PTGFR: variants seen among roughly 807,000 people sequenced by gnomAD.
The protein encoded by PTGFR is prostaglandin F2-alpha receptor.
A neutral mutation model predicts 26.2 loss-of-function variants in PTGFR; 15 were observed. The ratio of observed to expected loss-of-function variants is 0.57; its 90% confidence interval spans 0.38 to 0.88. The LOEUF is 0.88. Among genes scored for constraint, PTGFR ranks in the 40% least tolerant of loss-of-function variants. The pLI, the probability that PTGFR is intolerant of heterozygous loss-of-function variation, is 0.00. For missense variants in PTGFR, 369 were observed against 427.2 expected, an observed-to-expected ratio of 0.86 and a Z score of 1.20; for synonymous variants, 165 against 151.1, an observed-to-expected ratio of 1.09 and a Z score of -0.68.
At chr1:78,521,985 T>C (rs1650253499) in intron 2 of PTGFR, among the ~76,000 whole-genome samples, 1 of 152,096 alleles carries the variant, frequency 6.6e-6, no homozygotes, top group South Asian at 2.1e-4. Flanking sequence ...TTCAACTGAG[T>C]TCTCTGCTCA....
At position 78,502,960 on chromosome 1, in the gene PTGFR, C is replaced by T. The variant is rs191975536; in HGVS notation, c.798+9419C>T. Reference sequence around the variant, plus strand: ...ATGAATGTTTGTGGATGAGATTATTCGTGACAGCTTATGAAAAGGAAAAAA... The same window carrying T: ...ATGAATGTTTGTGGATGAGATTATTTGTGACAGCTTATGAAAAGGAAAAAA... On this transcript the variant is annotated intron_variant, in intron 2 of 2. Coordinates refer to ENST00000370757, the MANE Select transcript of PTGFR (RefSeq NM_000959.4). 2.3e-4 allele frequency among the ~76,000 whole-genome samples: 35 copies of T among 152,120 alleles called. 1 individual carries two copies. The highest frequency in any genetic ancestry group is 1.7e-3 in the East Asian group (9 of 5,182).
At chr1:78,514,788 C>T (rs973274433) in intron 2 of PTGFR, among the ~76,000 whole-genome samples, 6 of 152,084 alleles carry the variant, frequency 3.9e-5, no homozygotes, top group Non-Finnish European at 5.9e-5. Context: ...TGATTTAGCG[C>T]CAATGCCTTG....
chr1:78,536,757 T>C lies in PTGFR; in HGVS notation c.*70T>C. On this transcript the variant is annotated 3_prime_UTR_variant, in exon 3 of 3. Coordinates refer to ENST00000370757, the MANE Select transcript of PTGFR (RefSeq NM_000959.4). ...ACATGTTTGGCAATATTTCAGTTAG[T>C]TAAATACCTGTAGCCTAACTGGAAA... is the stretch of plus-strand genomic sequence containing the variant. 6.8e-7 allele frequency: 1 copy of C among 1,476,116 alleles called. No homozygotes were observed. The highest frequency in any genetic ancestry group is 1.3e-5 in the South Asian group (1 of 74,160). 91.4% of individuals were successfully genotyped at this position (1,476,116 alleles called of 1,614,324 possible).
chr1:78,528,294 C>CAAAAAAA (rs35137595), intron 2 of PTGFR, among the ~76,000 whole-genome samples: 4 of 20,120 alleles, frequency 2.0e-4, no homozygotes, highest in Admixed American at 7.9e-4. Flanking sequence ...AGAAAGTTAG[C>CAAAAAAA]AAAAAAAAAA....
At chr1:78,533,703 C>T (rs1013216972) in intron 2 of PTGFR, among the ~76,000 whole-genome samples, 2 of 152,142 alleles carry the variant, frequency 1.3e-5, no homozygotes, top group African/African-American at 4.8e-5. Flanking sequence ...TAGTAAACAG[C>T]CACAGAGCCC....
intron 2 of PTGFR, among the ~76,000 whole-genome samples, chr1:78,533,681 C>T (rs532832376): frequency 1.2e-4 from 19 of 152,216 alleles, no homozygotes; most frequent in African/African-American, 4.6e-4. Context: ...TCAAATTTAC[C>T]ATTGCTTTGA....
chr1:78,509,685 A>G (rs549627733), intron 2 of PTGFR, among the ~76,000 whole-genome samples: 99 of 152,364 alleles, frequency 6.5e-4, no homozygotes, highest in African/African-American at 2.2e-3. Flanking sequence ...TCTATGTAGC[A>G]GTAATTTCCA....
At chr1:78,511,493 T>C (rs1193566839) in intron 2 of PTGFR, among the ~76,000 whole-genome samples, 2 of 152,108 alleles carry the variant, frequency 1.3e-5, no homozygotes, top group Non-Finnish European at 2.9e-5. Context: ...AGCCTGAACA[T>C]GGGGAGTAGC....
At chr1:78,526,129 T>C (rs904948632) in intron 2 of PTGFR, among the ~76,000 whole-genome samples, 1 of 152,044 alleles carries the variant, frequency 6.6e-6, no homozygotes, top group African/African-American at 2.4e-5. Context: ...CTGCCCAACA[T>C]TGCAAGAATT....
At chr1:78,491,998 G>C (rs1649413032) in intron 1 of PTGFR, among the ~76,000 whole-genome samples, 2 of 152,146 alleles carry the variant, frequency 1.3e-5, no homozygotes, top group South Asian at 4.1e-4. Flanking sequence ...AGCGTGGCCC[G>C]CCCCCTTCCT....
intron 2 of PTGFR, among the ~76,000 whole-genome samples, chr1:78,516,939 T>C (rs538867065): frequency 2.0e-5 from 3 of 152,140 alleles, no homozygotes; most frequent in Non-Finnish European, 4.4e-5. Context: ...ACTTTTGTCT[T>C]GAAAATGTGT....
rs909476688 is a variant in PTGFR, at chr1:78,529,404, T to C, written c.799-7002T>C. On this transcript the variant is annotated intron_variant, in intron 2 of 2. Transcript: ENST00000370757. ...TTTTTATTAGGATGAAAATGTCTTA[T>C]GCATCTATTATTACCAATATTTGGA... 5.9e-5 allele frequency among the ~76,000 whole-genome samples: 9 copies of C among 152,292 alleles called. No individual in the cohort carries two copies. The East Asian group carries it at 1.5e-3, about 26-fold the overall frequency.
chr1:78,498,416 A>C (rs989399939), intron 2 of PTGFR, among the ~76,000 whole-genome samples: 1 of 152,190 alleles, frequency 6.6e-6, no homozygotes, highest in Non-Finnish European at 1.5e-5. Flanking sequence ...TGTAGTGTGT[A>C]TATATATTGT....
At chr1:78,496,936 T>TA (rs149206271) in intron 2 of PTGFR, among the ~76,000 whole-genome samples, 3,982 of 147,266 alleles carry the variant, frequency 0.027, 190 homozygotes, top group African/African-American at 0.094. Context: ...TGTTGTGGCA[T>TA]ATTTGTTAGA....
chr1:78,502,382 C>T (rs1557649618), intron 2 of PTGFR, among the ~76,000 whole-genome samples: 1 of 152,064 alleles, frequency 6.6e-6, no homozygotes, highest in African/African-American at 2.4e-5. Context: ...TGTCTGTAGC[C>T]ACTCTGTGCC....
At chr1:78,522,588 T>C (rs2100387025) in intron 2 of PTGFR, among the ~76,000 whole-genome samples, 1 of 152,080 alleles carries the variant, frequency 6.6e-6, no homozygotes, top group East Asian at 1.9e-4. Flanking sequence ...CAGACTTATT[T>C]TGTTATTGTT....
At chr1:78,502,647 G>A (rs1472795259) in intron 2 of PTGFR, among the ~76,000 whole-genome samples, 1 of 152,016 alleles carries the variant, frequency 6.6e-6, no homozygotes, top group Non-Finnish European at 1.5e-5. Context: ...TCAAAGACAC[G>A]TTAAAATTAT....
At chr1:78,501,744 G>A (rs932058094) in intron 2 of PTGFR, among the ~76,000 whole-genome samples, 12 of 152,220 alleles carry the variant, frequency 7.9e-5, no homozygotes, top group African/African-American at 2.2e-4. Flanking sequence ...GAGTATAGGC[G>A]GGGAGCATGA....
chr1:78,509,575 A>G (rs950995909), intron 2 of PTGFR, among the ~76,000 whole-genome samples: 2 of 152,234 alleles, frequency 1.3e-5, no homozygotes, highest in African/African-American at 4.8e-5. Context: ...ATTGTGGTGA[A>G]AAGATAGTTT....
Sources: gnomAD v4.1 joint callset for allele counts (sites outside exome capture counted in the v4.1 genomes callset) on GRCh38, gnomAD v4.1.1 for gene constraint, MANE v1.5 for transcripts, NCBI Gene and HGNC (gene_info 2026-07-23, HGNC 2026-07-21) for gene names.